LSM3: variants seen among roughly 807,000 people sequenced by gnomAD.
LSM3 encodes the protein U6 snRNA-associated Sm-like protein LSm3.
In LSM3, 14 loss-of-function variants were observed where a neutral mutation model predicts 15.4. The ratio of observed to expected loss-of-function variants is 0.91; its 90% CI spans 0.60 to 1.42. The LOEUF is 1.42. LSM3 is among the 40% of genes most tolerant of loss of function. The pLI is 0.00. For synonymous variants in LSM3, 46 were observed against 45.1 expected, an observed-to-expected ratio of 1.02 and a Z score of -0.08; for missense variants, 88 against 127.9, an observed-to-expected ratio of 0.69 and a Z score of 1.50.
At chr3:14,184,688 C>T (rs1311522111) in intron 3 of LSM3, among the ~76,000 whole-genome samples, 62 of 148,232 alleles carry the variant, frequency 4.2e-4, no homozygotes, top group Non-Finnish European at 7.3e-4. Flanking sequence ...ACCCGGGAGG[C>T]GGAGCTTGCA....
At position 14,181,688 on chromosome 3, in the gene LSM3, G is replaced by A. The variant is rs1697040458; in HGVS notation, c.132+18G>A. On this transcript the variant is annotated intron_variant, in intron 2 of 3. Coordinates refer to ENST00000306024, the MANE Select transcript of LSM3 (RefSeq NM_014463.3). Reference sequence around the variant, plus strand: ...GATTACATGTAAGTAAATTTATCAAGTTACCTTGAAATCAGATTCCTTCCT... The same window carrying A: ...GATTACATGTAAGTAAATTTATCAAATTACCTTGAAATCAGATTCCTTCCT... 6.5e-7 allele frequency: 1 copy of A among 1,544,334 alleles called. No homozygotes were observed. Among genetic ancestry groups the A allele is most frequent in the African/African-American group, 1.4e-5 (1 of 73,506 alleles).
intron 3 of LSM3, among the ~76,000 whole-genome samples, chr3:14,190,391 G>A (rs1330688511): frequency 6.6e-6 from 1 of 152,136 alleles, no homozygotes; most frequent in Non-Finnish European, 1.5e-5. Context: ...GGGCAGTATG[G>A]CCATTTTCAT....
chr3:14,178,837 G>A lies in LSM3; in HGVS notation c.-24G>A, dbSNP rs1249095031. The A allele has an allele frequency of 1.9e-6, 3 of 1,614,096 alleles. No individual in the cohort carries two copies. The highest frequency in any genetic ancestry group is 1.3e-5 in the African/African-American group (1 of 74,946). On this transcript the variant is annotated 5_prime_UTR_variant, in exon 1 of 4. Transcript: ENST00000306024. ...TTGCTCTTGTGTTCTCGCGAGAGGC[G>A]GGAAAGGGCGCAGGGTTTGAAACAT...
Position 14,198,042 on chromosome 3 carries a change from A to G in LSM3, c.235A>G (p.Lys79Glu), listed in dbSNP as rs562837610. Reference sequence around the variant, plus strand: ...GTTTTTTTTTCTCTTCTAGTCAACGAAACGGAATATTCCAATGCTCTTTGT... The same window carrying G: ...GTTTTTTTTTCTCTTCTAGTCAACGGAACGGAATATTCCAATGCTCTTTGT... ...ETYEEIYKST[K>E]RNIPMLFVRG... is the part of the protein sequence containing the mutation. The change falls in exon 4 of 4, where the codon AAA (lysine) becomes GAA (glutamate). Residue 79 changes from lysine (K) to glutamate (E), a missense_variant. Coordinates refer to ENST00000306024, the MANE Select transcript of LSM3 (RefSeq NM_014463.3). The G allele has an allele frequency of 6.2e-7, 1 of 1,613,680 alleles. No individual in the cohort carries two copies. The highest frequency in any genetic ancestry group is 2.2e-5 in the East Asian group (1 of 44,886).
chr3:14,199,143 T>C lies in LSM3; in HGVS notation c.*1027T>C, dbSNP rs1026348741. ...ATCATAACCTGTTTATAATTATGAC[T>C]CAGACCATTTTTCCACTCTTGGATC... On this transcript the variant is annotated 3_prime_UTR_variant, in exon 4 of 4. Coordinates refer to ENST00000306024, the MANE Select transcript of LSM3 (RefSeq NM_014463.3). The C allele has an allele frequency of 3.9e-5, 6 of 152,210 alleles. No individual in the cohort carries two copies. The highest frequency in any genetic ancestry group is 1.5e-5 in the Non-Finnish European group (1 of 68,042). The allele number at this position is 152,210 out of a possible 1,614,324, so 9.4% of individuals were successfully genotyped here. A position where few individuals can be genotyped will look rare whatever the true frequency, so the allele number is the denominator to read the frequency against.
intron 3 of LSM3, among the ~76,000 whole-genome samples, chr3:14,192,317 C>T (rs1172450722): frequency 1.3e-5 from 2 of 152,086 alleles, no homozygotes; most frequent in Non-Finnish European, 2.9e-5. Context: ...CAGAGCTGAG[C>T]TCAAATCCTG....
chr3:14,191,047 T>C (rs1489356077), intron 3 of LSM3, among the ~76,000 whole-genome samples: 1 of 152,190 alleles, frequency 6.6e-6, no homozygotes, highest in Non-Finnish European at 1.5e-5. Flanking sequence ...GGCATAATCA[T>C]GTGGTTTTTG....
At chr3:14,189,266 T>C (rs1574989223) in intron 3 of LSM3, among the ~76,000 whole-genome samples, 1 of 152,314 alleles carries the variant, frequency 6.6e-6, no homozygotes, top group Middle Eastern at 3.4e-3. Flanking sequence ...TAAACATACA[T>C]ATGTATGTGT....
chr3:14,188,474 G>A (rs1697110629), intron 3 of LSM3, among the ~76,000 whole-genome samples: 3 of 152,176 alleles, frequency 2.0e-5, no homozygotes, highest in Admixed American at 6.5e-5. Flanking sequence ...AATGCAGAAA[G>A]GAACACAGTG....
At position 14,187,973 on chromosome 3, in the gene LSM3, T is replaced by C. The variant is rs535462504; in HGVS notation, c.228+3941T>C. Among the ~76,000 whole-genome samples the C allele has an allele frequency of 2.6e-5, 4 of 152,346 alleles. No individual in the cohort carries two copies. In the South Asian group the frequency reaches 8.3e-4, roughly 32 times the overall value. On this transcript the variant is annotated intron_variant, in intron 3 of 3. Coordinates refer to ENST00000306024, the MANE Select transcript of LSM3 (RefSeq NM_014463.3). ...TTCCTTCACCAAACACCTCGTAGTT[T>C]GGCTCACCAGACAGTTTCTCTTGGG... is the stretch of plus-strand genomic sequence containing the variant.
intron 2 of LSM3, 90 bp downstream of exon 2, chr3:14,181,760 T>A: frequency 2.2e-6 from 2 of 927,324 alleles, no homozygotes; most frequent in South Asian, 2.9e-5. Flanking sequence ...TGAAAGGGTA[T>A]TTTGAAGGAA....
chr3:14,181,122 A>G (rs1045057743), intron 1 of LSM3, among the ~76,000 whole-genome samples: 2 of 152,080 alleles, frequency 1.3e-5, no homozygotes, highest in Non-Finnish European at 2.9e-5. Flanking sequence ...TAATCTTCCC[A>G]TAAACCTACA....
At chr3:14,193,181 C>T (rs1365680083) in intron 3 of LSM3, among the ~76,000 whole-genome samples, 1 of 152,114 alleles carries the variant, frequency 6.6e-6, no homozygotes, top group African/African-American at 2.4e-5. Context: ...TGTGGGTAAC[C>T]CGACCTTTCT....
chr3:14,183,828 T>A, intron 2 of LSM3, 109 bp from the exon 3 acceptor site: 1 of 678,838 alleles, frequency 1.5e-6, no homozygotes, highest in Non-Finnish European at 2.4e-6. Context: ...GTTTGTGATG[T>A]AAGTATCAAA....
chr3:14,178,860 C>T lies in LSM3; in HGVS notation c.-1C>T, dbSNP rs763051710. 1 of 1,614,116 alleles carries T rather than the reference C, an allele frequency of 6.2e-7. No individual in the cohort carries two copies. The highest frequency in any genetic ancestry group is 8.5e-7 in the Non-Finnish European group (1 of 1,180,048). On this transcript the variant is annotated 5_prime_UTR_variant, in exon 1 of 4. Transcript: ENST00000306024. ...GCGGGAAAGGGCGCAGGGTTTGAAA[C>T]ATGGCGGACGACGTAGACCAGGTAA...
In LSM3 at chr3:14,181,635, A is replaced by G. The variant is rs1310205681; in HGVS notation, c.97A>G (p.Met33Val). The change falls in exon 2 of 4, where the codon ATG (methionine) becomes GTG (valine). Residue 33 changes from methionine to valine, a missense_variant. Coordinates refer to ENST00000306024, the MANE Select transcript of LSM3 (RefSeq NM_014463.3). ...CCTAGATGAGCGAATTTATGTGAAA[A>G]TGAGAAATGACCGAGAGCTTCGAGG... is the stretch of plus-strand genomic sequence containing the variant. ...LSLDERIYVK[M>V]RNDRELRGRL... 1 of 1,613,922 alleles carries G rather than the reference A, an allele frequency of 6.2e-7. No individual in the cohort carries two copies. Among genetic ancestry groups the G allele is most frequent in the Non-Finnish European group, 8.5e-7 (1 of 1,179,900 alleles).
chr3:14,190,841 G>C (rs1258352792), intron 3 of LSM3, among the ~76,000 whole-genome samples: 7 of 152,166 alleles, frequency 4.6e-5, no homozygotes, highest in African/African-American at 1.7e-4. Context: ...TAGGAGTGGT[G>C]AGAGGGCATC....
At chr3:14,197,739 C>A (rs1226514196) in intron 3 of LSM3, among the ~76,000 whole-genome samples, 1 of 152,286 alleles carries the variant, frequency 6.6e-6, no homozygotes, top group East Asian at 1.9e-4. Flanking sequence ...TGTTTACTTG[C>A]CATTGGTTAA....
chr3:14,194,023 C>T (rs1379136164), intron 3 of LSM3, among the ~76,000 whole-genome samples: 1 of 152,228 alleles, frequency 6.6e-6, no homozygotes, highest in East Asian at 1.9e-4. Context: ...TTCCAACAGT[C>T]AGGCCCCTCT....
Sources: allele counts gnomAD v4.1 joint callset (sites outside exome capture counted in the v4.1 genomes callset), GRCh38; gene constraint gnomAD v4.1.1; transcripts MANE v1.5; gene names NCBI Gene and HGNC (gene_info 2026-07-23, HGNC 2026-07-21).